The following BCAP29 variants were observed in gnomAD, a reference collection of about 807,000 sequenced individuals.
BCAP29 encodes B-cell receptor-associated protein 29.
BCAP29 carries 34 observed loss-of-function variants against 31.8 expected under a neutral mutation model. The observed-to-expected ratio is 1.07, with a 90% confidence interval of 0.81 to 1.42. The LOEUF (loss-of-function observed/expected upper bound fraction) is 1.42. BCAP29 is among the 40% of genes most tolerant of loss of function. BCAP29 has a pLI of 0.00. For synonymous variants in BCAP29, 104 were observed against 91.3 expected (o/e 1.14, Z -0.79); for missense variants, 314 against 269.2 (o/e 1.17, Z -1.16).
At chr7:107,599,295 A>ATATATATAATTTTTACATATATAT (rs1563134201) in intron 5 of BCAP29, among the ~76,000 whole-genome samples, 1 of 23,366 alleles carries the variant, frequency 4.3e-5, no homozygotes, top group African/African-American at 1.4e-4. Context: ...TTATATATAA[A>ATATATATAATTTTTACATATATAT]TTATATATAA....
At position 107,619,253 on chromosome 7, in the gene BCAP29, A is replaced by G. The variant is rs1247383368; in HGVS notation, c.*890A>G. On this transcript the variant is annotated 3_prime_UTR_variant, in exon 8 of 8. Transcript: ENST00000005259. ...TCAAAAATACATACACTGGTATCAC[A>G]CAGTCTTTCTACAATGTTTCTGTAT... is the stretch of plus-strand genomic sequence containing the variant. 6.6e-6 allele frequency: 1 copy of G among 152,534 alleles called. No individual in the cohort carries two copies. Among genetic ancestry groups the G allele is most frequent in the Non-Finnish European group, 1.5e-5 (1 of 67,948 alleles). 9.4% of individuals were successfully genotyped at this position (152,534 alleles called of 1,614,324 possible). A position where few individuals can be genotyped will look rare whatever the true frequency, so the allele number is the denominator to read the frequency against.
At position 107,595,434 on chromosome 7, in the gene BCAP29, T is replaced by C. The variant is rs568319660; in HGVS notation, c.345-433T>C. On this transcript the variant is annotated intron_variant, in intron 4 of 7. Transcript: ENST00000005259. The stretch of plus-strand genomic sequence containing the variant: ...ATAATTGAAGATAGTCATCACTATT[T>C]CTTCTAACAATGGCAGTTACACATA... Among the ~76,000 whole-genome samples the C allele has an allele frequency of 8.5e-5, 13 of 152,322 alleles. No individual in the cohort carries two copies. The South Asian group carries it at 2.7e-3, about 32-fold the overall frequency.
intron 6 of BCAP29, among the ~76,000 whole-genome samples, chr7:107,611,011 A>G (rs941142654): frequency 1.3e-5 from 2 of 152,166 alleles, no homozygotes; most frequent in Non-Finnish European, 2.9e-5. Context: ...CAAGGCCCCA[A>G]TAAATTAGGC....
intron 5 of BCAP29, among the ~76,000 whole-genome samples, chr7:107,599,295 A>ATATATATAATTTTTATATATAT (rs1563134201): frequency 2.1e-4 from 5 of 23,366 alleles, no homozygotes; most frequent in African/African-American, 7.2e-4. Flanking sequence ...TTATATATAA[A>ATATATATAATTTTTATATATAT]TTATATATAA....
chr7:107,617,597 A>G (rs1814420486), intron 7 of BCAP29, among the ~76,000 whole-genome samples: 1 of 152,202 alleles, frequency 6.6e-6, no homozygotes, highest in South Asian at 2.1e-4. Context: ...TAATAGCTTC[A>G]TTAAAGCTTT....
rs771472403 is a variant in BCAP29, at chr7:107,594,034, A to G, written c.273A>G (p.Glu91=). Residue 91 remains glutamate (E), a synonymous_variant, in exon 4 of 8, where the codon GAA becomes GAG. Coordinates refer to ENST00000005259, the MANE Select transcript of BCAP29 (RefSeq NM_018844.4). ...CCACCAGCAGACCTGATGCCTATGAACACACACAGATGAAACTTTTTAGGT... is the reference window on the plus strand; with the variant it reads ...CCACCAGCAGACCTGATGCCTATGAGCACACACAGATGAAACTTTTTAGGT... ...KSSTSRPDAY[E]HTQMKLFRSQ... 1.2e-6 allele frequency: 2 copies of G among 1,613,858 alleles called. No individual in the cohort carries two copies. Among genetic ancestry groups the G allele is most frequent in the South Asian group, 2.2e-5 (2 of 91,072 alleles).
At chr7:107,599,221 AC>A (rs1252795129) in intron 5 of BCAP29, among the ~76,000 whole-genome samples, 3 of 126,386 alleles carry the variant, frequency 2.4e-5, no homozygotes, top group East Asian at 2.0e-4. Flanking sequence ...ATATATATAT[AC>A]ATAATTATAT....
At chr7:107,586,452 T>C (rs1807698715) in intron 3 of BCAP29, among the ~76,000 whole-genome samples, 1 of 152,124 alleles carries the variant, frequency 6.6e-6, no homozygotes, top group East Asian at 1.9e-4. Context: ...AACAAGGACA[T>C]CATGGATAGT....
chr7:107,584,188 G>A (rs1807209365), intron 3 of BCAP29, among the ~76,000 whole-genome samples: 1 of 152,176 alleles, frequency 6.6e-6, no homozygotes, highest in African/African-American at 2.4e-5. Context: ...AGGGCACAAT[G>A]ATTCTTAACC....
At position 107,612,420 on chromosome 7, in the gene BCAP29, TATATATATATATA is replaced by T. The variant is rs1563141371; in HGVS notation, c.590-911_590-899del. Reference sequence around the variant, plus strand: ...ATATATATATATATATATATATATATATATATATATATATATATATTTATTTTACTTCTATCTA... The same window carrying T: ...ATATATATATATATATATATATATATTATATATTTATTTTACTTCTATCTA... On this transcript the variant is annotated intron_variant, in intron 6 of 7. Coordinates refer to ENST00000005259, the MANE Select transcript of BCAP29 (RefSeq NM_018844.4). Among the ~76,000 whole-genome samples the T allele has an allele frequency of 1.4e-3, 63 of 44,294 alleles. 1 individual carries two copies. Among genetic ancestry groups the T allele is most frequent in the African/African-American group, 2.6e-3 (53 of 20,210 alleles). The allele number at this position is 44,294 out of a possible 152,430, so 29.1% of individuals were successfully genotyped here.
chr7:107,596,696 TC>T (rs1194986276), intron 5 of BCAP29, among the ~76,000 whole-genome samples: 5 of 152,228 alleles, frequency 3.3e-5, no homozygotes, highest in African/African-American at 1.2e-4. Flanking sequence ...CTGCTTTTTT[TC>T]CTCTTCAATT....
intron 3 of BCAP29, among the ~76,000 whole-genome samples, chr7:107,590,214 A>C (rs1313697302): frequency 6.6e-6 from 1 of 152,194 alleles, no homozygotes; most frequent in Non-Finnish European, 1.5e-5. Context: ...CCTTAATAAT[A>C]TCTACCCATT....
chr7:107,592,506 G>A (rs1435484585), intron 3 of BCAP29, among the ~76,000 whole-genome samples: 2 of 152,236 alleles, frequency 1.3e-5, no homozygotes, highest in South Asian at 2.1e-4. Flanking sequence ...TAGTACAGCT[G>A]CTTTGGAATA....
At chr7:107,597,914 T>C (rs115619512) in intron 5 of BCAP29, among the ~76,000 whole-genome samples, 4,118 of 152,284 alleles carry the variant, frequency 0.027, 192 homozygotes, top group African/African-American at 0.094. Context: ...CTTTACTTTG[T>C]CCTGATTTTT....
chr7:107,618,484 A>G lies in BCAP29; in HGVS notation c.*121A>G, dbSNP rs1041495692. 6.2e-6 allele frequency: 10 copies of G among 1,612,872 alleles called. No individual in the cohort carries two copies. The highest frequency in any genetic ancestry group is 8.5e-6 in the Non-Finnish European group (10 of 1,179,144). The stretch of plus-strand genomic sequence containing the variant: ...CGGTTCGTAATTTTTTTAATGCCAC[A>G]CATAGGTTGTATTGTAATGGCATTA... On this transcript the variant is annotated 3_prime_UTR_variant, in exon 8 of 8. Coordinates refer to ENST00000005259, the MANE Select transcript of BCAP29 (RefSeq NM_018844.4).
chr7:107,615,126 T>A, intron 7 of BCAP29: 1 of 436,284 alleles, frequency 2.3e-6, no homozygotes, highest in Non-Finnish European at 4.6e-6. Context: ...TTGTTGAATG[T>A]CTCCATTGTT....
upstream of BCAP29, chr7:107,580,244 A>G (rs1464847989): frequency 2.0e-5 from 3 of 151,884 alleles, no homozygotes; most frequent in Admixed American, 6.6e-5. Flanking sequence ...GCGGCGTCTG[A>G]CGTCCCGCGC....
In BCAP29 at chr7:107,620,374, A is replaced by C. The variant is rs1388247494; in HGVS notation, c.*2011A>C. On this transcript the variant is annotated 3_prime_UTR_variant, in exon 8 of 8. Coordinates refer to ENST00000005259, the MANE Select transcript of BCAP29 (RefSeq NM_018844.4). ...TCTGTGCCCTTTACCACCGTGCCCA[A>C]CTGTTTCACATGCTGTGTTTGGTAG... is the stretch of plus-strand genomic sequence containing the variant. The C allele has an allele frequency of 2.0e-5, 3 of 152,164 alleles. No individual in the cohort carries two copies. The highest frequency in any genetic ancestry group is 1.9e-4 in the East Asian group (1 of 5,194). 9.4% of individuals were successfully genotyped at this position (152,164 alleles called of 1,614,324 possible).
At chr7:107,615,615 C>G (rs1446772686) in intron 7 of BCAP29, 1 of 239,324 alleles carries the variant, frequency 4.2e-6, no homozygotes, top group Non-Finnish European at 8.6e-6. Flanking sequence ...AAAAGTGATT[C>G]CTTCCCAAGA....
Sources: allele counts gnomAD v4.1 joint callset (sites outside exome capture counted in the v4.1 genomes callset), GRCh38; gene constraint gnomAD v4.1.1; transcripts MANE v1.5; gene names NCBI Gene and HGNC (gene_info 2026-07-23, HGNC 2026-07-21).